VPS13B: variants seen among roughly 807,000 people sequenced by gnomAD.
VPS13B encodes the protein vacuolar protein sorting 13 homolog B.
In VPS13B, 285 loss-of-function variants were observed where a neutral mutation model predicts 426.4. The ratio of observed to expected loss-of-function variants is 0.67; its 90% CI spans 0.61 to 0.74. The LOEUF is 0.74. Among genes scored for constraint, VPS13B ranks in the 30% least tolerant of loss-of-function variants. The pLI is 0.00. For synonymous variants in VPS13B, 1,676 were observed against 1,676.4 expected, an observed-to-expected ratio of 1.00 and a Z score of 0.01; for missense variants, 4,537 against 4,782.6, an observed-to-expected ratio of 0.95 and a Z score of 1.51.
intron 19 of VPS13B, among the ~76,000 whole-genome samples, chr8:99,322,541 G>T (rs773721694): frequency 6.6e-6 from 1 of 152,148 alleles, no homozygotes; most frequent in African/African-American, 2.4e-5. Flanking sequence ...TTGAGGGTTG[G>T]TCATTAGACT....
In VPS13B at chr8:99,875,480, A is replaced by G; in HGVS notation, c.11808A>G (p.Thr3936=). The G allele has an allele frequency of 1.2e-6, 2 of 1,614,218 alleles. No homozygotes were observed. Among genetic ancestry groups the G allele is most frequent in the Non-Finnish European group, 1.7e-6 (2 of 1,180,026 alleles). The change falls in exon 62 of 62, where the codon ACA becomes ACG. Residue 3936 remains threonine, a synonymous_variant. Coordinates refer to ENST00000357162, the MANE Select transcript of VPS13B (RefSeq NM_152564.5). The part of the protein sequence containing the change: ...QQYNRLVDYI[T]KTSCHLAPSC... ...ACAACAGACTGGTGGACTACATCAC[A>G]AAGACATCTTGTCACCTGGCCCCCA...
intron 34 of VPS13B, among the ~76,000 whole-genome samples, chr8:99,658,008 C>A (rs531652305): frequency 4.1e-4 from 63 of 152,214 alleles, no homozygotes; most frequent in African/African-American, 1.5e-3. Context: ...AATTGTATTT[C>A]TTGTTTTAAT....
intron 3 of VPS13B, among the ~76,000 whole-genome samples, chr8:99,059,282 G>A (rs544848235): frequency 3.9e-5 from 6 of 152,252 alleles, no homozygotes; most frequent in East Asian, 3.9e-4. Flanking sequence ...TACTACAGGC[G>A]GAAGCCACCA....
intron 17 of VPS13B, among the ~76,000 whole-genome samples, chr8:99,210,178 C>A (rs1007692071): frequency 1.3e-5 from 2 of 152,088 alleles, no homozygotes; most frequent in Non-Finnish European, 2.9e-5. Flanking sequence ...GGACCAGAAT[C>A]CCATTTTATT....
intron 3 of VPS13B, among the ~76,000 whole-genome samples, chr8:99,059,575 T>C (rs1358357541): frequency 6.6e-6 from 1 of 152,122 alleles, no homozygotes; most frequent in Admixed American, 6.5e-5. Context: ...TGTAAGGTAT[T>C]TGAGCATCCA....
intron 29 of VPS13B, among the ~76,000 whole-genome samples, chr8:99,518,938 G>A (rs1403028544): frequency 6.6e-6 from 1 of 152,106 alleles, no homozygotes; most frequent in Non-Finnish European, 1.5e-5. Flanking sequence ...TCTATTTTTG[G>A]CAGATGGTAG....
At chr8:99,689,943 A>C (rs950249678) in intron 35 of VPS13B, among the ~76,000 whole-genome samples, 1 of 152,216 alleles carries the variant, frequency 6.6e-6, no homozygotes. Flanking sequence ...CCCAAGAAAA[A>C]GACAGTTTCA....
At chr8:99,057,895 C>G (rs376590609) in intron 3 of VPS13B, among the ~76,000 whole-genome samples, 16 of 152,172 alleles carry the variant, frequency 1.1e-4, no homozygotes, top group African/African-American at 3.4e-4. Context: ...ATTGGTACTT[C>G]GAATCATTTT....
At chr8:99,727,627 C>G (rs1833404050) in intron 39 of VPS13B, among the ~76,000 whole-genome samples, 1 of 152,182 alleles carries the variant, frequency 6.6e-6, no homozygotes, top group Non-Finnish European at 1.5e-5. Context: ...TTCACTATCA[C>G]AAGAATAGCA....
At chr8:99,596,983 C>T (rs980860291) in intron 33 of VPS13B, among the ~76,000 whole-genome samples, 7 of 151,920 alleles carry the variant, frequency 4.6e-5, no homozygotes, top group African/African-American at 1.4e-4. Context: ...CTCAATACTT[C>T]GAACATATCC....
intron 39 of VPS13B, among the ~76,000 whole-genome samples, chr8:99,737,644 G>A (rs1316183234): frequency 2.6e-5 from 4 of 152,178 alleles, no homozygotes; most frequent in Admixed American, 6.5e-5. Flanking sequence ...AACCAAAAGC[G>A]TGTATCAGAC....
At chr8:99,391,733 T>C (rs1814459250) in intron 21 of VPS13B, 29 bp downstream of exon 21, 5 of 1,610,598 alleles carry the variant, frequency 3.1e-6, no homozygotes, top group African/African-American at 1.3e-5. Context: ...AAAGGGACTA[T>C]GATTGTACTC....
At chr8:99,614,272 C>CAT (rs59449690) in intron 33 of VPS13B, among the ~76,000 whole-genome samples, 94 of 147,972 alleles carry the variant, frequency 6.4e-4, no homozygotes, top group East Asian at 1.4e-3. Context: ...CACACACACA[C>CAT]ATATATATAT....
Position 99,486,834 on chromosome 8 carries a change from A to G in VPS13B, c.3870+5032A>G, listed in dbSNP as rs530658217. The stretch of plus-strand genomic sequence containing the variant: ...GTGTTTCCTCTTCGTTTCTGACACC[A>G]TAGTATTTGTCTTTATTTCAAGTTT... On this transcript the variant is annotated intron_variant, in intron 25 of 61. Coordinates refer to ENST00000357162, the MANE Select transcript of VPS13B (RefSeq NM_152564.5). Among the ~76,000 whole-genome samples, 9 of 152,312 alleles carry G rather than the reference A, an allele frequency of 5.9e-5. No homozygotes were observed. The East Asian group carries it at 1.2e-3, about 20-fold the overall frequency.
At chr8:99,411,624 T>C (rs1283617770) in intron 21 of VPS13B, among the ~76,000 whole-genome samples, 1 of 152,236 alleles carries the variant, frequency 6.6e-6, no homozygotes, top group African/African-American at 2.4e-5. Flanking sequence ...GTTTTAGTTA[T>C]GAAGTCTTTG....
At chr8:99,507,763 C>G (rs368951087) in intron 28 of VPS13B, 1 of 1,613,984 alleles carries the variant, frequency 6.2e-7, no homozygotes, top group Non-Finnish European at 8.5e-7. Flanking sequence ...CTGTCCATCA[C>G]TTCAAGCCTT....
chr8:99,876,732 C>CTT lies in VPS13B; in HGVS notation c.*1068_*1069dup, dbSNP rs1378317959. The CTT allele has an allele frequency of 6.6e-6, 1 of 152,196 alleles. No individual in the cohort carries two copies. Among genetic ancestry groups the CTT allele is most frequent in the East Asian group, 1.9e-4 (1 of 5,198 alleles). 9.4% of individuals were successfully genotyped at this position (152,196 alleles called of 1,614,324 possible). A position where few individuals can be genotyped will look rare whatever the true frequency, so the allele number is the denominator to read the frequency against. On this transcript the variant is annotated 3_prime_UTR_variant, in exon 62 of 62. Transcript: ENST00000357162. ...GATGTCTTAAATGTTCAGTAAATAT[C>CTT]TTTCTTACAGTCCAGTAGCTTAGAG...
chr8:99,640,063 A>AGAAGAAGAAGAAGAAGAAGAAGAAGAAG (rs1233008721), intron 33 of VPS13B, among the ~76,000 whole-genome samples: 1 of 103,046 alleles, frequency 9.7e-6, no homozygotes, highest in African/African-American at 3.7e-5. Flanking sequence ...AAAGAAAAGA[A>AGAAGAAGAAGAAGAAGAAGAAGAAGAAG]AAGAAAAGAA....
chr8:99,067,572 A>T (rs1468139796), intron 3 of VPS13B, among the ~76,000 whole-genome samples: 1 of 152,228 alleles, frequency 6.6e-6, no homozygotes, highest in Non-Finnish European at 1.5e-5. Flanking sequence ...CAGCAAAACA[A>T]CATGGCACAT....
Sources: gnomAD v4.1 joint callset for allele counts (sites outside exome capture counted in the v4.1 genomes callset) on GRCh38, gnomAD v4.1.1 for gene constraint, MANE v1.5 for transcripts, NCBI Gene and HGNC (gene_info 2026-07-23, HGNC 2026-07-21) for gene names.